VPS13B: variants seen among roughly 807,000 people sequenced by gnomAD.
The protein encoded by VPS13B is vacuolar protein sorting 13 homolog B, also known as intermembrane lipid transfer protein VPS13B.
In VPS13B, 285 loss-of-function variants were observed where a neutral mutation model predicts 426.4. That is an observed-to-expected ratio of 0.67 (90% CI 0.61 to 0.74). VPS13B has a LOEUF of 0.74. Ranked by LOEUF, VPS13B falls within the 30% of genes least tolerant of loss-of-function variation. The pLI, the probability that VPS13B is intolerant of heterozygous loss-of-function variation, is 0.00. For missense variants in VPS13B, 4,537 were observed against 4,782.6 expected (o/e 0.95, Z 1.51); for synonymous variants, 1,676 against 1,676.4 (o/e 1.00, Z 0.01).
Position 99,575,537 on chromosome 8 carries a change from C to A in VPS13B, c.4950-121C>A. On this transcript the variant is annotated intron_variant, in intron 31 of 61. Coordinates refer to ENST00000357162, the MANE Select transcript of VPS13B (RefSeq NM_152564.5). ...TGACTGTAAAATATGCAAATAGGCA[C>A]TCTCAAAATAATAATGTAATTTTGC... The A allele has an allele frequency of 1.6e-6, 2 of 1,213,324 alleles. 1 individual carries two copies. The highest frequency in any genetic ancestry group is 2.7e-5 in the South Asian group (2 of 75,072). The allele number at this position is 1,213,324 out of a possible 1,614,324, so 75.2% of individuals were successfully genotyped here. A position where few individuals can be genotyped will look rare whatever the true frequency, so the allele number is the denominator to read the frequency against.
At position 99,711,645 on chromosome 8, in the gene VPS13B, A is replaced by G. The variant is rs1832714118; in HGVS notation, c.6455-5526A>G. The stretch of plus-strand genomic sequence containing the variant: ...AGCAAAAAATATTAGGGTTTGTATG[A>G]TAGCAGGGAAGTATTCCTGTTCAAC... On this transcript the variant is annotated intron_variant, in intron 36 of 61. Coordinates refer to ENST00000357162, the MANE Select transcript of VPS13B (RefSeq NM_152564.5). Among the ~76,000 whole-genome samples, 3 of 152,364 alleles carry G rather than the reference A, an allele frequency of 2.0e-5. No homozygotes were observed. The East Asian group carries it at 5.8e-4, about 29-fold the overall frequency.
At chr8:99,860,180 A>G (rs190470177) in intron 57 of VPS13B, among the ~76,000 whole-genome samples, 1 of 152,346 alleles carries the variant, frequency 6.6e-6, no homozygotes, top group East Asian at 1.9e-4. Context: ...ACTATAGGCC[A>G]TAGGACAGGT....
At chr8:99,561,135 A>AT (rs1824900390) in intron 31 of VPS13B, among the ~76,000 whole-genome samples, 1 of 152,062 alleles carries the variant, frequency 6.6e-6, no homozygotes, top group African/African-American at 2.4e-5. Flanking sequence ...GTTCCAAAAC[A>AT]TTTTCTTCAC....
intron 33 of VPS13B, among the ~76,000 whole-genome samples, chr8:99,612,172 T>C (rs914283965): frequency 2.7e-4 from 41 of 152,172 alleles, no homozygotes; most frequent in African/African-American, 9.7e-4. Flanking sequence ...GGATTCCTAA[T>C]CCTGGCTTTA....
intron 25 of VPS13B, among the ~76,000 whole-genome samples, chr8:99,496,355 A>G (rs1053480236): frequency 6.6e-6 from 1 of 152,148 alleles, no homozygotes; most frequent in African/African-American, 2.4e-5. Flanking sequence ...ACTGCCATTA[A>G]AAGCACTAAC....
At chr8:99,507,972 T>C in intron 28 of VPS13B, 5 of 1,609,698 alleles carry the variant, frequency 3.1e-6, no homozygotes, top group South Asian at 1.1e-5. Context: ...AGAGAAGGAA[T>C]TGAATGATTC....
At chr8:99,475,088 G>A (rs966330414) in intron 24 of VPS13B, among the ~76,000 whole-genome samples, 1 of 152,140 alleles carries the variant, frequency 6.6e-6, no homozygotes, top group African/African-American at 2.4e-5. Context: ...AAGAAGCCAA[G>A]TGGAAAAAGA....
chr8:99,330,424 A>T (rs1810488776), intron 19 of VPS13B, among the ~76,000 whole-genome samples: 1 of 151,872 alleles, frequency 6.6e-6, no homozygotes, highest in Non-Finnish European at 1.5e-5. Context: ...CTGAATAAAG[A>T]ACCAGAGTCA....
At chr8:99,805,886 G>T (rs1292132227) in intron 43 of VPS13B, among the ~76,000 whole-genome samples, 1 of 152,162 alleles carries the variant, frequency 6.6e-6, no homozygotes, top group Non-Finnish European at 1.5e-5. Flanking sequence ...TGGATAGATT[G>T]AATGATGGTA....
At chr8:99,762,983 CA>C (rs1811009856) in intron 39 of VPS13B, among the ~76,000 whole-genome samples, 1 of 150,820 alleles carries the variant, frequency 6.6e-6, no homozygotes, top group Admixed American at 6.6e-5. Flanking sequence ...ATAAAAAATA[CA>C]AAAATTAGTC....
At chr8:99,086,234 C>T (rs973234775) in intron 3 of VPS13B, among the ~76,000 whole-genome samples, 1 of 152,180 alleles carries the variant, frequency 6.6e-6, no homozygotes, top group Non-Finnish European at 1.5e-5. Flanking sequence ...GATACCCTTT[C>T]TTCCAATTGA....
chr8:99,644,082 G>A (rs1829481111), intron 34 of VPS13B, among the ~76,000 whole-genome samples: 1 of 152,246 alleles, frequency 6.6e-6, no homozygotes, highest in South Asian at 2.1e-4. Flanking sequence ...ATCAGGAGAG[G>A]CAGAGGAAAG....
intron 40 of VPS13B, among the ~76,000 whole-genome samples, chr8:99,771,016 T>C (rs1811460979): frequency 6.6e-6 from 1 of 152,230 alleles, no homozygotes; most frequent in Non-Finnish European, 1.5e-5. Context: ...AGGTGTCTTC[T>C]GATGGATCAG....
In VPS13B at chr8:99,616,316, T is replaced by A. The variant is rs184252305; in HGVS notation, c.5221-25495T>A. 9.9e-3 allele frequency among the ~76,000 whole-genome samples: 1,509 copies of A among 151,980 alleles called. 32 individuals are homozygous for A. Among genetic ancestry groups the A allele is most frequent in the African/African-American group, 0.033 (1,362 of 41,414 alleles). ...TTTACTACCTAGATGGATAATTTTT[T>A]AAAAAAAATCTCACGAGATAATGAG... On this transcript the variant is annotated intron_variant, in intron 33 of 61. Coordinates refer to ENST00000357162, the MANE Select transcript of VPS13B (RefSeq NM_152564.5).
At chr8:99,264,688 C>T (rs1818216133) in intron 17 of VPS13B, among the ~76,000 whole-genome samples, 1 of 151,850 alleles carries the variant, frequency 6.6e-6, no homozygotes, top group South Asian at 2.1e-4. Flanking sequence ...TCTCTTTAGC[C>T]TTGATGTTCA....
chr8:99,343,927 A>G (rs1381321633), intron 19 of VPS13B, among the ~76,000 whole-genome samples: 1 of 152,238 alleles, frequency 6.6e-6, no homozygotes, highest in African/African-American at 2.4e-5. Context: ...TGCAATCCCT[A>G]TCAGAAGTCC....
intron 33 of VPS13B, among the ~76,000 whole-genome samples, chr8:99,583,336 T>C (rs1048555570): frequency 6.6e-6 from 1 of 152,152 alleles, no homozygotes; most frequent in African/African-American, 2.4e-5. Context: ...ATTCTTTCAT[T>C]CTAAAATATT....
At position 99,607,188 on chromosome 8, in the gene VPS13B, C is replaced by T. The variant is rs149430177; in HGVS notation, c.5220+29555C>T. 3.3e-5 allele frequency among the ~76,000 whole-genome samples: 5 copies of T among 152,298 alleles called. No individual in the cohort carries two copies. In the East Asian group the frequency reaches 9.6e-4, roughly 29 times the overall value. On this transcript the variant is annotated intron_variant, in intron 33 of 61. Transcript: ENST00000357162. ...AAAGAGAAAGTATATAACCTTCCCT[C>T]TTTTCCAAGAGAACATTAAACAAAA...
intron 30 of VPS13B, among the ~76,000 whole-genome samples, chr8:99,552,042 C>T (rs1737991424): frequency 6.6e-6 from 1 of 151,884 alleles, no homozygotes; most frequent in African/African-American, 2.4e-5. Context: ...CTCCATGAAT[C>T]TTAACCTTCT....
Sources: allele counts gnomAD v4.1 joint callset (sites outside exome capture counted in the v4.1 genomes callset), GRCh38; gene constraint gnomAD v4.1.1; transcripts MANE v1.5; gene names NCBI Gene and HGNC (gene_info 2026-07-23, HGNC 2026-07-21).